Variants in TICRR observed in about 807,000 individuals in gnomAD.
TICRR encodes treslin.
A neutral mutation model predicts 178.1 loss-of-function variants in TICRR; 132 were observed. The ratio of observed to expected loss-of-function variants is 0.74; its 90% CI spans 0.64 to 0.86. TICRR has a LOEUF of 0.86. Ranked by LOEUF, TICRR falls within the 40% of genes least tolerant of loss-of-function variation. TICRR has a pLI of 0.00. For synonymous variants in TICRR, 991 were observed against 900.7 expected (o/e 1.10, Z -1.79); for missense variants, 2,587 against 2,334.3 (o/e 1.11, Z -2.23).
chr15:89,593,685 G>A (rs750019210), intron 5 of TICRR, among the ~76,000 whole-genome samples: 24 of 152,294 alleles, frequency 1.6e-4, no homozygotes, highest in Non-Finnish European at 2.6e-4. Flanking sequence ...CAGGATGGGC[G>A]ACAGAGCACC....
At chr15:89,619,563 C>G (rs1387147591) in intron 17 of TICRR, 145 bp from the exon 18 acceptor site, 12 of 797,500 alleles carry the variant, frequency 1.5e-5, no homozygotes, top group Non-Finnish European at 2.2e-5. Flanking sequence ...TTAAGAGACA[C>G]TTCAGAAGTC....
chr15:89,605,932 C>A (rs1024163902), intron 13 of TICRR, among the ~76,000 whole-genome samples: 1 of 152,136 alleles, frequency 6.6e-6, no homozygotes, highest in African/African-American at 2.4e-5. Context: ...ACATAGCAGT[C>A]TGATAAAGAA....
At chr15:89,606,944 T>G (rs1232118527) in intron 14 of TICRR, 119 bp downstream of exon 14, 21 of 750,580 alleles carry the variant, frequency 2.8e-5, no homozygotes, top group Non-Finnish European at 4.2e-5. Flanking sequence ...TGTTGGCTAA[T>G]AAAATATGTC....
chr15:89,598,987 A>C (rs1480426619), intron 7 of TICRR, among the ~76,000 whole-genome samples: 1 of 152,102 alleles, frequency 6.6e-6, no homozygotes, highest in Non-Finnish European at 1.5e-5. Flanking sequence ...CTCCAGCCTG[A>C]TTGTCAGAGT....
At chr15:89,604,999 A>G (rs757567159) in intron 13 of TICRR, among the ~76,000 whole-genome samples, 1 of 152,228 alleles carries the variant, frequency 6.6e-6, no homozygotes, top group South Asian at 2.1e-4. Context: ...ATTAATGTAT[A>G]TTAATTTCTT....
rs748771376 is a variant in TICRR at position 89,592,142 on chromosome 15, A to G, written c.1507A>G (p.Ser503Gly). 1.2e-6 allele frequency: 2 copies of G among 1,612,730 alleles called. No homozygotes were observed. Among genetic ancestry groups the G allele is most frequent in the Non-Finnish European group, 1.7e-6 (2 of 1,178,792 alleles). ...AAAGTGGTTTCCTTTCTGTAACATCAGTGGTGCCAGTTCCGATTTGATGGA... is the reference window on the plus strand; with the variant it reads ...AAAGTGGTTTCCTTTCTGTAACATCGGTGGTGCCAGTTCCGATTTGATGGA... ...VEKWFPFCNI[S>G]GASSDLMESF... Residue 503 changes from serine to glycine, a missense_variant, in exon 5 of 22, where the codon AGT becomes GGT. Physicochemically the swap from Ser to Gly is moderately conservative, Grantham distance 56 (BLOSUM62 0). Coordinates refer to ENST00000268138, the MANE Select transcript of TICRR (RefSeq NM_152259.4).
intron 19 of TICRR, among the ~76,000 whole-genome samples, chr15:89,622,188 G>C (rs967886252): frequency 6.6e-6 from 1 of 151,984 alleles, no homozygotes. Flanking sequence ...GTTTCACCAT[G>C]TTGGCCAGGC....
At chr15:89,622,713 C>A (rs1467656753) in intron 19 of TICRR, among the ~76,000 whole-genome samples, 1 of 152,220 alleles carries the variant, frequency 6.6e-6, no homozygotes, top group Non-Finnish European at 1.5e-5. Flanking sequence ...GCTCCACCTC[C>A]CCAGCAACAT....
In TICRR at chr15:89,626,207, C is replaced by T. The variant is rs1416824383; in HGVS notation, c.5602+146C>T. On this transcript the variant is annotated intron_variant, in intron 21 of 21. Transcript: ENST00000268138. ...TCGCGCCTACAGCGTCATGTGTGCC[C>T]TTCCCAGAGAAACTCCACATTAGAA... 7.3e-6 allele frequency: 6 copies of T among 822,868 alleles called. No individual in the cohort carries two copies. The African/African-American group carries it at 1.1e-4, about 15-fold the overall frequency. The allele number at this position is 822,868 out of a possible 1,614,324, so 51.0% of individuals were successfully genotyped here.
rs371358896 is a variant in TICRR, at chr15:89,582,839, C to G, written c.808C>G (p.Pro270Ala). The G allele has an allele frequency of 6.2e-7, 1 of 1,614,066 alleles. No individual in the cohort carries two copies. Among genetic ancestry groups the G allele is most frequent in the African/African-American group, 1.3e-5 (1 of 74,910 alleles). Reference protein sequence around the residue: ...LRSGIKLSSEPHLSPWISMLP... With the variant: ...LRSGIKLSSEAHLSPWISMLP... The stretch of plus-strand genomic sequence containing the variant: ...GAGTGGAATAAAGCTGTCAAGTGAA[C>G]CTCATCTTTCTCCGTGGATTTCAAT... Residue 270 changes from proline to alanine, a missense_variant, in exon 2 of 22, where the codon CCT becomes GCT. Transcript: ENST00000268138.
At position 89,595,463 on chromosome 15, in the gene TICRR, C is replaced by T. The variant is rs527903725; in HGVS notation, c.1752C>T (p.Val584=). The T allele has an allele frequency of 1.9e-5, 31 of 1,614,076 alleles. No homozygotes were observed. Among genetic ancestry groups the T allele is most frequent in the South Asian group, 1.8e-4 (16 of 91,068 alleles). The change falls in exon 7 of 22, where the codon GTC becomes GTT. Residue 584 remains valine (V), a synonymous_variant. Transcript: ENST00000268138. ...GCCGTTCCTTAAAGATGTTGAATGT[C>T]GCAAGGCTGAATGTGAAGGCCCAGA... ...TMCRSLKMLN[V]ARLNVKAQKL...
intron 15 of TICRR, among the ~76,000 whole-genome samples, chr15:89,609,859 G>A (rs1306120324): frequency 6.6e-6 from 1 of 151,560 alleles, no homozygotes; most frequent in Admixed American, 6.6e-5. Context: ...CTTTTTTAAG[G>A]TGAAGTTTAA....
Position 89,580,941 on chromosome 15 carries a change from C to T in TICRR, c.655-1745C>T, listed in dbSNP as rs377438668. 6.8e-4 allele frequency among the ~76,000 whole-genome samples: 104 copies of T among 152,250 alleles called. 1 individual carries two copies. In the South Asian group the frequency reaches 0.015, roughly 22 times the overall value. On this transcript the variant is annotated intron_variant, in intron 1 of 21. Coordinates refer to ENST00000268138, the MANE Select transcript of TICRR (RefSeq NM_152259.4). ...CAGCTACTTACTCAGGAGGCTGGGG[C>T]GAGAGGATTGCTTGAGTCCAGAAAG...
At chr15:89,619,199 G>C (rs1963382869) in intron 17 of TICRR, among the ~76,000 whole-genome samples, 2 of 138,678 alleles carry the variant, frequency 1.4e-5, no homozygotes, top group African/African-American at 2.7e-5. Context: ...ATAAATACTT[G>C]TTTTCGCCCT....
intron 13 of TICRR, 134 bp downstream of exon 13, chr15:89,603,026 A>G (rs1336919994): frequency 4.7e-6 from 2 of 423,490 alleles, no homozygotes; most frequent in Non-Finnish European, 8.4e-6. Flanking sequence ...TAAAACTATA[A>G]TCCAAGGAAT....
chr15:89,606,399 T>A (rs1168215045), intron 13 of TICRR, among the ~76,000 whole-genome samples: 1 of 152,192 alleles, frequency 6.6e-6, no homozygotes, highest in African/African-American at 2.4e-5. Flanking sequence ...ACTGAGTGTT[T>A]CCTTTGAGTG....
intron 8 of TICRR, among the ~76,000 whole-genome samples, chr15:89,600,268 C>T (rs896998210): frequency 6.6e-5 from 10 of 152,130 alleles, no homozygotes; most frequent in Admixed American, 1.3e-4. Flanking sequence ...GTGGCCATCA[C>T]GGAGCTCCTT....
chr15:89,594,971 T>A (rs1962972680), intron 6 of TICRR, among the ~76,000 whole-genome samples: 1 of 152,248 alleles, frequency 6.6e-6, no homozygotes. Context: ...ATTTGTTTTT[T>A]AAGTAATTAC....
Position 89,625,274 on chromosome 15 carries a change from G to A in TICRR, c.4964G>A (p.Ser1655Asn). Residue 1655 changes from serine to asparagine, a missense_variant, in exon 20 of 22, where the codon AGT (serine) becomes AAT (asparagine). Transcript: ENST00000268138. ...TGTACCCCCACCCACGGCCCTTCTA[G>A]TACCCCCTCTCCATTTCAAACAGAT... ...QACTPTHGPS[S>N]TPSPFQTDGV... 6.2e-7 allele frequency: 1 copy of A among 1,613,754 alleles called. No individual in the cohort carries two copies. The highest frequency in any genetic ancestry group is 1.3e-5 in the African/African-American group (1 of 74,978).
Sources: allele counts gnomAD v4.1 joint callset (sites outside exome capture counted in the v4.1 genomes callset), GRCh38; gene constraint gnomAD v4.1.1; transcripts MANE v1.5; gene names NCBI Gene and HGNC (gene_info 2026-07-23, HGNC 2026-07-21).